AXDND1: variants seen among roughly 807,000 people sequenced by gnomAD.
The protein encoded by AXDND1 is axonemal dynein light chain domain containing 1.
Under a neutral mutation model 137.5 loss-of-function variants are expected in AXDND1, and 110 were observed. The observed-to-expected ratio is 0.80, with a 90% confidence interval of 0.69 to 0.94. AXDND1 has a LOEUF of 0.94. Among genes scored for constraint, AXDND1 ranks in the 40% least tolerant of loss-of-function variants. The probability of loss-of-function intolerance (pLI) is 0.00; values close to 1 mark genes in which losing one functional copy is unlikely to be tolerated. For synonymous variants in AXDND1, 414 were observed against 399.7 expected (o/e 1.04, Z -0.43); for missense variants, 1,191 against 1,169.8 (o/e 1.02, Z -0.26).
At chr1:179,376,628 T>C (rs916768669) in intron 4 of AXDND1, among the ~76,000 whole-genome samples, 1 of 152,204 alleles carries the variant, frequency 6.6e-6, no homozygotes, top group African/African-American at 2.4e-5. Context: ...CCCGAAGTTT[T>C]CCCTGACTTG....
chr1:179,425,813 T>TGG (rs1175420901), intron 12 of AXDND1, among the ~76,000 whole-genome samples: 18 of 80,864 alleles, frequency 2.2e-4, no homozygotes, highest in Non-Finnish European at 3.6e-4. Flanking sequence ...TGTGTGTGTG[T>TGG]AAAGAGAGAA....
chr1:179,488,655 CTT>C (rs747190313), intron 18 of AXDND1, among the ~76,000 whole-genome samples: 13 of 107,122 alleles, frequency 1.2e-4, no homozygotes, highest in African/African-American at 3.5e-4. Context: ...TTCTTTCTTT[CTT>C]TCTTTCTTTC....
chr1:179,536,028 A>C (rs1245079491), intron 25 of AXDND1, among the ~76,000 whole-genome samples: 1 of 152,136 alleles, frequency 6.6e-6, no homozygotes, highest in African/African-American at 2.4e-5. Context: ...TTCTTTTGAG[A>C]AGTGTCTGTT....
intron 12 of AXDND1, among the ~76,000 whole-genome samples, chr1:179,418,426 T>G (rs1655042658): frequency 6.6e-6 from 1 of 152,234 alleles, no homozygotes; most frequent in Non-Finnish European, 1.5e-5. Flanking sequence ...GATTTCTCAA[T>G]CTTTTCCCCA....
rs757472956 is a variant in AXDND1, at chr1:179,366,648, TAA to T, written c.97+43_97+44del. ...CTGAAGTCATAAACAGTCATGGCCG[TAA>T]GACAGAAATCACCTTCCATTCACCG... On this transcript the variant is annotated intron_variant, in intron 2 of 25. Transcript: ENST00000367618. 8.6e-6 allele frequency: 13 copies of T among 1,518,220 alleles called. No homozygotes were observed. In the South Asian group the frequency reaches 1.5e-4, roughly 17 times the overall value. The allele number at this position is 1,518,220 out of a possible 1,614,324, so 94.0% of individuals were successfully genotyped here.
At chr1:179,496,342 GA>G (rs1400488935) in intron 20 of AXDND1, among the ~76,000 whole-genome samples, 1 of 151,936 alleles carries the variant, frequency 6.6e-6, no homozygotes, top group African/African-American at 2.4e-5. Flanking sequence ...GGCATTGTGG[GA>G]AAGTTTTTAA....
chr1:179,534,723 A>C lies in AXDND1; in HGVS notation c.2799-7A>C. On this transcript the variant is annotated splice_region_variant and splice_polypyrimidine_tract_variant and intron_variant, in intron 24 of 25. Transcript: ENST00000367618. ...TCTATTTTGTTGTGTCTTCTCTTCC[A>C]TATCAGGGAGGTTGAAAATAGAGCC... 6.4e-7 allele frequency: 1 copy of C among 1,570,626 alleles called. No homozygotes were observed. Among genetic ancestry groups the C allele is most frequent in the Non-Finnish European group, 8.6e-7 (1 of 1,168,122 alleles).
chr1:179,488,632 CTCCTTTCTT>C (rs754703201), intron 18 of AXDND1, among the ~76,000 whole-genome samples: 3,299 of 63,064 alleles, frequency 0.052, 260 homozygotes, highest in South Asian at 0.1. Context: ...CTCTCTCTCT[CTCCTTTCTT>C]TCTTTCTTTC....
intron 17 of AXDND1, among the ~76,000 whole-genome samples, chr1:179,481,708 T>C (rs1665412117): frequency 6.6e-6 from 1 of 152,220 alleles, no homozygotes; most frequent in Admixed American, 6.5e-5. Context: ...CTCATTGTGG[T>C]TTTAATTTGC....
chr1:179,497,897 A>G (rs941370814), intron 20 of AXDND1, among the ~76,000 whole-genome samples: 12 of 152,136 alleles, frequency 7.9e-5, no homozygotes, highest in East Asian at 5.8e-4. Context: ...CGAGAATACA[A>G]TTCCACTTAC....
intron 19 of AXDND1, 74 bp from the exon 20 acceptor site, chr1:179,492,781 G>T: frequency 1.0e-6 from 1 of 971,514 alleles, no homozygotes; most frequent in South Asian, 1.8e-5. Flanking sequence ...CTTAGAAGAA[G>T]AACCAGCAAT....
At position 179,492,935 on chromosome 1, in the gene AXDND1, A is replaced by G; in HGVS notation, c.2372A>G (p.Glu791Gly). The change falls in exon 20 of 26, where the codon GAG (glutamate) becomes GGG (glycine). Residue 791 changes from glutamate (E) to glycine (G), a missense_variant. Physicochemically the swap from Glu to Gly is moderately conservative, Grantham distance 98. Coordinates refer to ENST00000367618, the MANE Select transcript of AXDND1 (RefSeq NM_144696.6). ...SHKNATEDLYEVDKLKKECYE... is the reference protein window; with the variant it reads ...SHKNATEDLYGVDKLKKECYE... ...AAAAATGCTACTGAAGACCTTTATGAGGTGGATAAGTTGAAGGTAATAACT... is the reference window on the plus strand; with the variant it reads ...AAAAATGCTACTGAAGACCTTTATGGGGTGGATAAGTTGAAGGTAATAACT... 1 of 1,604,304 alleles carries G rather than the reference A, an allele frequency of 6.2e-7. No homozygotes were observed. The highest frequency in any genetic ancestry group is 8.5e-7 in the Non-Finnish European group (1 of 1,174,376).
At chr1:179,370,755 A>G (rs936651679) in intron 4 of AXDND1, among the ~76,000 whole-genome samples, 9 of 152,194 alleles carry the variant, frequency 5.9e-5, no homozygotes, top group African/African-American at 1.7e-4. Context: ...AAATGTTTAC[A>G]CTTAACATAC....
chr1:179,471,757 G>A (rs4378165), intron 17 of AXDND1, among the ~76,000 whole-genome samples: 30,691 of 151,550 alleles, frequency 0.2, 3,230 homozygotes, highest in Non-Finnish European at 0.23. Flanking sequence ...TTTACATTTA[G>A]TTTACTCTAC....
chr1:179,542,733 G>A (rs1011712291), intron 25 of AXDND1, among the ~76,000 whole-genome samples: 5 of 152,142 alleles, frequency 3.3e-5, no homozygotes, highest in East Asian at 1.9e-4. Context: ...TTGAGGATTC[G>A]GTTAAATCCA....
At position 179,432,895 on chromosome 1, in the gene AXDND1, T is replaced by TC. The variant is rs1471967113; in HGVS notation, c.1563+555dup. ...TCCAGCCTGGGCAACACAGCAAGAC[T>TC]CCATCTCAAAAAAAAAAAATGCAAT... On this transcript the variant is annotated intron_variant, in intron 15 of 25. Transcript: ENST00000367618. Among the ~76,000 whole-genome samples the TC allele has an allele frequency of 4.4e-5, 6 of 137,874 alleles. No individual in the cohort carries two copies. The South Asian group carries it at 1.3e-3, about 31-fold the overall frequency. 90.5% of individuals were successfully genotyped at this position (137,874 alleles called of 152,430 possible).
At chr1:179,459,878 T>C (rs983130634) in intron 16 of AXDND1, among the ~76,000 whole-genome samples, 2 of 143,002 alleles carry the variant, frequency 1.4e-5, no homozygotes, top group African/African-American at 5.4e-5. Flanking sequence ...CTTTCTTTTC[T>C]TTTCTCTTTT....
At chr1:179,387,163 A>G (rs780854607) in intron 9 of AXDND1, among the ~76,000 whole-genome samples, 19 of 151,872 alleles carry the variant, frequency 1.3e-4, no homozygotes, top group Non-Finnish European at 2.4e-4. Flanking sequence ...GCTTCTTTAC[A>G]TGTTTAGTAA....
chr1:179,411,122 G>T, intron 11 of AXDND1, 24 bp from the exon 12 acceptor site: 1 of 1,501,154 alleles, frequency 6.7e-7, no homozygotes, highest in Non-Finnish European at 9.0e-7. Context: ...ATTAAATGAA[G>T]CTGTTTCTTA....
Sources: gnomAD v4.1 joint callset for allele counts (sites outside exome capture counted in the v4.1 genomes callset) on GRCh38, gnomAD v4.1.1 for gene constraint, MANE v1.5 for transcripts, NCBI Gene and HGNC (gene_info 2026-07-23, HGNC 2026-07-21) for gene names.